NDST4: variants seen among roughly 807,000 people sequenced by gnomAD.
NDST4 encodes the protein N-deacetylase and N-sulfotransferase 4, also known as N-heparan sulfate sulfotransferase 4.
Under a neutral mutation model 100.8 loss-of-function variants are expected in NDST4, and 63 were observed. The observed-to-expected ratio is 0.62, with a 90% confidence interval of 0.51 to 0.77. The LOEUF is 0.77. NDST4 is among the 30% of genes least tolerant of loss of function. The pLI is 0.00. For missense variants in NDST4, 943 were observed against 1,018.4 expected, an observed-to-expected ratio of 0.93 and a Z score of 1.01; for synonymous variants, 377 against 361.8, an observed-to-expected ratio of 1.04 and a Z score of -0.48.
At chr4:115,000,221 T>C (rs1400859443) in intron 2 of NDST4, among the ~76,000 whole-genome samples, 2 of 151,576 alleles carry the variant, frequency 1.3e-5, no homozygotes, top group Admixed American at 1.3e-4. Context: ...TTGACTATTA[T>C]GCTGGTTCCA....
intron 2 of NDST4, among the ~76,000 whole-genome samples, chr4:115,068,146 A>G (rs1467697853): frequency 1.3e-5 from 2 of 151,928 alleles, no homozygotes; most frequent in African/African-American, 4.8e-5. Context: ...TTTTTTTTAA[A>G]TATCTGTTAA....
intron 5 of NDST4, among the ~76,000 whole-genome samples, chr4:114,936,735 T>C (rs1349344083): frequency 1.3e-5 from 2 of 152,204 alleles, no homozygotes; most frequent in Admixed American, 6.5e-5. Flanking sequence ...ATCCTATTAT[T>C]TTTCAATTAC....
At chr4:115,077,739 A>C (rs770868896) in intron 1 of NDST4, among the ~76,000 whole-genome samples, 7 of 152,154 alleles carry the variant, frequency 4.6e-5, no homozygotes, top group Non-Finnish European at 8.8e-5. Flanking sequence ...TTCCCAGCTG[A>C]CTAAATAAAT....
At chr4:114,987,988 T>C (rs1726949792) in intron 2 of NDST4, among the ~76,000 whole-genome samples, 1 of 152,224 alleles carries the variant, frequency 6.6e-6, no homozygotes, top group African/African-American at 2.4e-5. Context: ...TGAATATGCA[T>C]GCAGTCAAAT....
At chr4:114,973,934 AC>A (rs1181683004) in intron 3 of NDST4, among the ~76,000 whole-genome samples, 4 of 151,924 alleles carry the variant, frequency 2.6e-5, no homozygotes, top group African/African-American at 7.2e-5. Context: ...AATATAAAGA[AC>A]TGTGGAATGA....
chr4:114,907,245 GA>G (rs2126212804), intron 6 of NDST4, among the ~76,000 whole-genome samples: 1 of 152,204 alleles, frequency 6.6e-6, no homozygotes, highest in East Asian at 1.9e-4. Context: ...TGTAGATGGA[GA>G]AAATACATCT....
At chr4:115,085,809 C>T (rs1729398445) in intron 1 of NDST4, among the ~76,000 whole-genome samples, 1 of 152,120 alleles carries the variant, frequency 6.6e-6, no homozygotes, top group Non-Finnish European at 1.5e-5. Context: ...GACTTAGTAC[C>T]TCATCTTTCA....
rs766692542 is a variant in NDST4 at position 115,076,751 on chromosome 4, T to G, written c.286A>C (p.Ile96Leu). ...SQYSQLGQDI[I>L]AILESSRFQY... ...AATCGGCTGGACTCCAAAATAGCTA[T>G]GATATCTTGACCGAGTTGAGAGTAT... Residue 96 changes from isoleucine (I) to leucine (L), a missense_variant, in exon 2 of 14, where the codon ATA becomes CTA. Physicochemically the swap from Ile to Leu is conservative, Grantham distance 5. This residue lies in a region of NDST4 where 417 missense variants were observed against 384.2 expected (regional missense o/e 1.09). Coordinates refer to ENST00000264363, the MANE Select transcript of NDST4 (RefSeq NM_022569.3). 2 of 1,613,868 alleles carry G rather than the reference T, an allele frequency of 1.2e-6. No individual in the cohort carries two copies. Among genetic ancestry groups the G allele is most frequent in the Admixed American group, 3.3e-5 (2 of 59,974 alleles).
chr4:115,052,393 T>A (rs2126279428), intron 2 of NDST4, among the ~76,000 whole-genome samples: 1 of 152,268 alleles, frequency 6.6e-6, no homozygotes, highest in African/African-American at 2.4e-5. Context: ...GATAAAGTAC[T>A]CTATTCACCT....
chr4:114,835,346 C>G (rs1009348559), intron 11 of NDST4, among the ~76,000 whole-genome samples: 8 of 152,118 alleles, frequency 5.3e-5, no homozygotes, highest in Admixed American at 4.6e-4. Flanking sequence ...CAAAGAACTT[C>G]TTTATTTCTG....
intron 2 of NDST4, among the ~76,000 whole-genome samples, chr4:115,002,199 T>A (rs192398700): frequency 6.6e-6 from 1 of 152,340 alleles, no homozygotes; most frequent in Non-Finnish European, 1.5e-5. Flanking sequence ...TCAGTCTAGC[T>A]GGCATGAGAT....
At chr4:114,955,523 T>C (rs1726117644) in intron 4 of NDST4, among the ~76,000 whole-genome samples, 1 of 152,110 alleles carries the variant, frequency 6.6e-6, no homozygotes. Flanking sequence ...GCTGCTTTGC[T>C]GAGAATGGAC....
At chr4:114,960,985 A>G (rs1437888037) in intron 4 of NDST4, among the ~76,000 whole-genome samples, 1 of 152,190 alleles carries the variant, frequency 6.6e-6, no homozygotes, top group Non-Finnish European at 1.5e-5. Context: ...GCAATAATAA[A>G]GAAGGAAGGA....
At chr4:115,074,613 G>A (rs1179541302) in intron 2 of NDST4, among the ~76,000 whole-genome samples, 1 of 152,048 alleles carries the variant, frequency 6.6e-6, no homozygotes, top group Non-Finnish European at 1.5e-5. Context: ...TCACAGTCAA[G>A]CAGTGCTTCA....
chr4:115,060,139 A>G (rs558221165), intron 2 of NDST4, among the ~76,000 whole-genome samples: 1 of 151,988 alleles, frequency 6.6e-6, no homozygotes, highest in African/African-American at 2.4e-5. Flanking sequence ...AGGGGAATTA[A>G]TTTATACTGT....
chr4:114,827,943 G>GA lies in NDST4; in HGVS notation c.2500-9dup, dbSNP rs1723114565. On this transcript the variant is annotated splice_polypyrimidine_tract_variant and intron_variant, in intron 13 of 13. Coordinates refer to ENST00000264363, the MANE Select transcript of NDST4 (RefSeq NM_022569.3). Reference sequence around the variant, plus strand: ...AGAGAGGAACGTTCTAGACTGGAAAGAAAAAAAGAAGAACTTGAAAGAAGC... The same window carrying GA: ...AGAGAGGAACGTTCTAGACTGGAAAGAAAAAAAAGAAGAACTTGAAAGAAGC... The GA allele has an allele frequency of 1.9e-6, 3 of 1,574,298 alleles. No individual in the cohort carries two copies. Among genetic ancestry groups the GA allele is most frequent in the Non-Finnish European group, 2.6e-6 (3 of 1,167,718 alleles).
chr4:114,998,971 A>G (rs1486432674), intron 2 of NDST4, among the ~76,000 whole-genome samples: 1 of 152,054 alleles, frequency 6.6e-6, no homozygotes, highest in Non-Finnish European at 1.5e-5. Context: ...TGTTTATCTC[A>G]TATCATAATC....
At chr4:114,936,945 T>C (rs1439036041) in intron 5 of NDST4, among the ~76,000 whole-genome samples, 1 of 152,184 alleles carries the variant, frequency 6.6e-6, no homozygotes, top group Non-Finnish European at 1.5e-5. Flanking sequence ...TCTTAATCCA[T>C]GCAGCCTTAC....
chr4:115,057,743 C>T (rs990993837), intron 2 of NDST4, among the ~76,000 whole-genome samples: 1 of 150,172 alleles, frequency 6.7e-6, no homozygotes, highest in Non-Finnish European at 1.5e-5. Flanking sequence ...CAGACACACA[C>T]ACACACACAC....
Sources: gnomAD v4.1 joint callset for allele counts (sites outside exome capture counted in the v4.1 genomes callset) on GRCh38, gnomAD v4.1.1 for gene constraint, gnomAD v4.1.1 regional missense constraint, MANE v1.5 for transcripts, NCBI Gene and HGNC (gene_info 2026-07-23, HGNC 2026-07-21) for gene names.